Variants in COL22A1 observed in about 807,000 individuals in gnomAD.
COL22A1 encodes collagen type XXII alpha 1 chain.
COL22A1 carries 221 observed loss-of-function variants against 248.9 expected under a neutral mutation model. The observed-to-expected ratio is 0.89, with a 90% CI of 0.80 to 0.99. The LOEUF (loss-of-function observed/expected upper bound fraction) is 0.99. Among genes scored for constraint, COL22A1 ranks in the 50% least tolerant of loss-of-function variants. COL22A1 has a pLI of 0.00. For missense variants in COL22A1, 2,240 were observed against 2,179.0 expected, an observed-to-expected ratio of 1.03 and a Z score of -0.56; for synonymous variants, 891 against 793.4, an observed-to-expected ratio of 1.12 and a Z score of -2.07.
chr8:138,588,507 G>A lies in COL22A1; in HGVS notation c.*746C>T, dbSNP rs1009705598. The A allele has an allele frequency of 6.6e-6, 1 of 152,120 alleles. No individual in the cohort carries two copies. Among genetic ancestry groups the A allele is most frequent in the Non-Finnish European group, 1.5e-5 (1 of 68,034 alleles). 9.4% of individuals were successfully genotyped at this position (152,120 alleles called of 1,614,324 possible). A position where few individuals can be genotyped will look rare whatever the true frequency, so the allele number is the denominator to read the frequency against. ...TTTAGAAGACAAATTAACACTCAAG[G>A]GCTGCCTCTTCAACATAGGTTTTCC... On this transcript the variant is annotated 3_prime_UTR_variant, in exon 65 of 65. Transcript: ENST00000303045.
chr8:138,794,443 A>G (rs1317907705), intron 12 of COL22A1, among the ~76,000 whole-genome samples: 2 of 152,062 alleles, frequency 1.3e-5, no homozygotes, highest in East Asian at 3.9e-4. Context: ...TGGTCTCACC[A>G]CTGTGGAAAA....
In COL22A1 at chr8:138,883,133, AGAG is replaced by A. The variant is rs1367921845; in HGVS notation, c.37_39del (p.Leu13del). The A allele has an allele frequency of 2.5e-6, 4 of 1,597,892 alleles. No homozygotes were observed. Among genetic ancestry groups the A allele is most frequent in the Non-Finnish European group, 2.6e-6 (3 of 1,173,294 alleles). Reference sequence around the variant, plus strand: ...CCCCCACTCCACAGCAGCAGCATCCAGAGGAGGCCAGCCACAGCGTTCCCTCGG... The same window carrying A: ...CCCCCACTCCACAGCAGCAGCATCCAGAGGCCAGCCACAGCGTTCCCTCGG... On this transcript the variant is annotated inframe_deletion, in exon 2 of 65. Transcript: ENST00000303045.
Position 138,613,863 on chromosome 8 carries a change from T to A in COL22A1, c.3978+4A>T. On this transcript the variant is annotated splice_donor_region_variant and intron_variant, in intron 56 of 64. Transcript: ENST00000303045. The stretch of plus-strand genomic sequence containing the variant: ...AAGCACATTAGTCGCAAAGCAAAAC[T>A]CACCGGTGGGCCCCTTGGTCCTTGG... 2 of 1,613,648 alleles carry A rather than the reference T, an allele frequency of 1.2e-6. No homozygotes were observed. Among genetic ancestry groups the A allele is most frequent in the Non-Finnish European group, 1.7e-6 (2 of 1,179,512 alleles).
At chr8:138,805,454 T>G (rs1031058246) in intron 10 of COL22A1, among the ~76,000 whole-genome samples, 2 of 144,840 alleles carry the variant, frequency 1.4e-5, no homozygotes, top group Non-Finnish European at 3.0e-5. Context: ...GTGGTGTGTG[T>G]GATGGTGTGT....
At chr8:138,637,325 C>T (rs1297699711) in intron 47 of COL22A1, among the ~76,000 whole-genome samples, 1 of 152,072 alleles carries the variant, frequency 6.6e-6, no homozygotes, top group Non-Finnish European at 1.5e-5. Context: ...TAGATGGTGG[C>T]CAGCAGGAGC....
chr8:138,793,916 A>T (rs932246878), intron 12 of COL22A1, among the ~76,000 whole-genome samples: 1 of 152,218 alleles, frequency 6.6e-6, no homozygotes, highest in South Asian at 2.1e-4. Context: ...CCAGAGGAAC[A>T]TGGGAAGGAG....
chr8:138,796,899 TCCATGGCATGACA>T, intron 11 of COL22A1, 42 bp from the exon 12 acceptor site: 2 of 1,350,838 alleles, frequency 1.5e-6, no homozygotes, highest in Non-Finnish European at 1.1e-6. Context: ...ACAGAGCATC[TCCATGGCATGACA>T]TTGCAAATGG....
chr8:138,715,756 A>C, intron 29 of COL22A1, 21 bp from the exon 30 acceptor site: 1 of 1,575,070 alleles, frequency 6.3e-7, no homozygotes, highest in Non-Finnish European at 8.7e-7. Context: ...AGATAAAATT[A>C]GAAAACATTA....
chr8:138,656,556 T>C (rs745551670), intron 44 of COL22A1, among the ~76,000 whole-genome samples: 3 of 152,098 alleles, frequency 2.0e-5, no homozygotes, highest in Non-Finnish European at 2.9e-5. Flanking sequence ...CCACTGTGAG[T>C]TGGAGCTACG....
At chr8:138,655,596 G>C (rs554201931) in intron 45 of COL22A1, among the ~76,000 whole-genome samples, 1 of 152,110 alleles carries the variant, frequency 6.6e-6, no homozygotes, top group East Asian at 1.9e-4. Context: ...TAAACTCCTG[G>C]GCTCAGGGCT....
chr8:138,700,108 T>C lies in COL22A1; in HGVS notation c.2592+4A>G. The C allele has an allele frequency of 1.9e-6, 3 of 1,613,272 alleles. No individual in the cohort carries two copies. The highest frequency in any genetic ancestry group is 1.7e-6 in the Non-Finnish European group (2 of 1,179,804). On this transcript the variant is annotated splice_donor_region_variant and intron_variant, in intron 32 of 64. Transcript: ENST00000303045. The stretch of plus-strand genomic sequence containing the variant: ...GGGCACCCCGAGGCACCGCTACTAC[T>C]TACGGGCATCCGTGGATGTGGTGTG...
rs1820174709 is a variant in COL22A1 at position 138,833,126 on chromosome 8, C to T, written c.758G>A (p.Ser253Asn). ...ITGFDLMDLF[S>N]VKEILGKREN... ...TCTCTTCCCCAAGATTTCCTTCACA[C>T]TGAACAAATCCATCAGGTCAAAACC... is the stretch of plus-strand genomic sequence containing the variant. The change falls in exon 5 of 65, where the codon AGT becomes AAT. Residue 253 changes from serine to asparagine, a missense_variant. Physicochemically the swap from Ser to Asn is conservative, Grantham distance 46 (BLOSUM62 1). Coordinates refer to ENST00000303045, the MANE Select transcript of COL22A1 (RefSeq NM_152888.3). 1 of 1,613,346 alleles carries T rather than the reference C, an allele frequency of 6.2e-7. No individual in the cohort carries two copies. The highest frequency in any genetic ancestry group is 8.5e-7 in the Non-Finnish European group (1 of 1,179,356).
intron 30 of COL22A1, among the ~76,000 whole-genome samples, chr8:138,707,371 C>T (rs1044874934): frequency 2.6e-5 from 4 of 152,086 alleles, no homozygotes; most frequent in Non-Finnish European, 4.4e-5. Flanking sequence ...TGATGAACAT[C>T]GATGCAAAAA....
In COL22A1 at chr8:138,693,658, T is replaced by A. The variant is rs751771644; in HGVS notation, c.2742A>T (p.Ala914=). The change falls in exon 35 of 65, where the codon GCA becomes GCT. Residue 914 remains alanine (A), a synonymous_variant. Coordinates refer to ENST00000303045, the MANE Select transcript of COL22A1 (RefSeq NM_152888.3). ...CATAGGGACTCACGGGGTTTCCAGC[T>A]GCTCCAGGAGCCCCATGTGCACCTT... ...GQEGAHGAPG[A]AGNPGAPGHV... The A allele has an allele frequency of 1.9e-6, 3 of 1,586,354 alleles. No homozygotes were observed. Among genetic ancestry groups the A allele is most frequent in the Non-Finnish European group, 2.6e-6 (3 of 1,166,212 alleles).
chr8:138,846,585 C>T (rs998030071), intron 3 of COL22A1, among the ~76,000 whole-genome samples: 1 of 152,196 alleles, frequency 6.6e-6, no homozygotes. Context: ...GAACAAATAG[C>T]TTCCAAAATA....
chr8:138,805,889 TGTATTATGGTGTAG>T (rs1393718169), intron 10 of COL22A1, among the ~76,000 whole-genome samples: 9 of 147,308 alleles, frequency 6.1e-5, no homozygotes, highest in Admixed American at 4.0e-4. Context: ...TGTGTGATGG[TGTATTATGGTGTAG>T]GTGTGATGGT....
At chr8:138,845,004 A>T (rs1821140551) in intron 3 of COL22A1, among the ~76,000 whole-genome samples, 1 of 151,928 alleles carries the variant, frequency 6.6e-6, no homozygotes, top group African/African-American at 2.4e-5. Context: ...CCTCCAAGTC[A>T]GTAGGATGTC....
At chr8:138,648,366 A>C (rs1822391882) in intron 46 of COL22A1, among the ~76,000 whole-genome samples, 1 of 152,234 alleles carries the variant, frequency 6.6e-6, no homozygotes, top group Non-Finnish European at 1.5e-5. Context: ...AGAGAGTCAG[A>C]ATAAAGGTCA....
intron 53 of COL22A1, among the ~76,000 whole-genome samples, chr8:138,617,202 C>T (rs1350893811): frequency 6.6e-6 from 1 of 152,200 alleles, no homozygotes; most frequent in Admixed American, 6.5e-5. Flanking sequence ...CCCACAAATG[C>T]CTCAGAGTGT....
Sources: allele counts gnomAD v4.1 joint callset (sites outside exome capture counted in the v4.1 genomes callset), GRCh38; gene constraint gnomAD v4.1.1; transcripts MANE v1.5; gene names NCBI Gene and HGNC (gene_info 2026-07-23, HGNC 2026-07-21).